The following SEMA3D variants were observed in gnomAD, a reference collection of about 807,000 sequenced individuals.
SEMA3D encodes semaphorin-3D.
Under a neutral mutation model 100.1 loss-of-function variants are expected in SEMA3D, and 84 were observed. That is an observed-to-expected ratio of 0.84 (90% CI 0.70 to 1.01). The LOEUF is 1.01. Ranked by LOEUF, SEMA3D falls within the 50% of genes least tolerant of loss-of-function variation. SEMA3D has a pLI of 0.00. For synonymous variants in SEMA3D, 312 were observed against 320.7 expected, an observed-to-expected ratio of 0.97 and a Z score of 0.29; for missense variants, 875 against 934.1, an observed-to-expected ratio of 0.94 and a Z score of 0.82.
Position 84,997,680 on chromosome 7 carries a change from A to G in SEMA3D, c.*1760T>C, listed in dbSNP as rs892510856. 6.6e-6 allele frequency: 1 copy of G among 152,556 alleles called. No individual in the cohort carries two copies. The highest frequency in any genetic ancestry group is 1.5e-5 in the Non-Finnish European group (1 of 67,976). The allele number at this position is 152,556 out of a possible 1,614,324, so 9.5% of individuals were successfully genotyped here. A position where few individuals can be genotyped will look rare whatever the true frequency, so the allele number is the denominator to read the frequency against. ...ACATAGAGCCACAGATCTTGCATTAAGTTGCCCTCTAATCACAGGGTTTTC... is the reference window on the plus strand; with the variant it reads ...ACATAGAGCCACAGATCTTGCATTAGGTTGCCCTCTAATCACAGGGTTTTC... On this transcript the variant is annotated 3_prime_UTR_variant, in exon 19 of 19. Transcript: ENST00000284136.
chr7:85,187,931 T>G (rs1397978710), upstream of SEMA3D, among the ~76,000 whole-genome samples: 1 of 152,184 alleles, frequency 6.6e-6, no homozygotes, highest in African/African-American at 2.4e-5. Context: ...TATCCAGGTT[T>G]ATAGTCACAC....
At position 85,140,886 on chromosome 7, in the gene SEMA3D, C is replaced by T. The variant is rs916450267; in HGVS notation, c.-41+12722G>A. 3 of 720,194 alleles carry T rather than the reference C, an allele frequency of 4.2e-6. No individual in the cohort carries two copies. In the African/African-American group the frequency reaches 5.8e-5, roughly 14 times the overall value. 44.6% of individuals were successfully genotyped at this position (720,194 alleles called of 1,614,324 possible). ...TAGGTATACAAAAAGAAAATCAAAA[C>T]ACCATCTTCCTATCAACACCTCAGT... On this transcript the variant is annotated intron_variant, in intron 2 of 18. Coordinates refer to ENST00000284136, the MANE Select transcript of SEMA3D (RefSeq NM_001384900.1).
intron 8 of SEMA3D, among the ~76,000 whole-genome samples, chr7:85,064,346 G>A (rs1055062046): frequency 6.6e-6 from 1 of 152,208 alleles, no homozygotes; most frequent in African/African-American, 2.4e-5. Flanking sequence ...TGCTTTGCAT[G>A]TGTGTTAAGA....
the SEMA3D span, among the ~76,000 whole-genome samples, chr7:85,220,564 G>C: frequency 6.6e-6 from 1 of 151,914 alleles, no homozygotes; most frequent in African/African-American, 2.4e-5. Context: ...CTTGCTTACT[G>C]TGTAATTTTG....
At chr7:85,225,798 G>T in the SEMA3D span, among the ~76,000 whole-genome samples, 1 of 152,064 alleles carries the variant, frequency 6.6e-6, no homozygotes, top group Non-Finnish European at 1.5e-5. Context: ...GGGTACTGAG[G>T]AGGCGAGCCA....
the SEMA3D span, among the ~76,000 whole-genome samples, chr7:85,216,422 T>C: frequency 6.6e-6 from 1 of 151,486 alleles, no homozygotes; most frequent in African/African-American, 2.4e-5. Flanking sequence ...TGTGGCAGAA[T>C]TGTTTTGGGC....
chr7:85,037,844 G>C (rs1790744314), intron 11 of SEMA3D, among the ~76,000 whole-genome samples: 1 of 151,932 alleles, frequency 6.6e-6, no homozygotes, highest in Admixed American at 6.6e-5. Flanking sequence ...TATTTTCTTT[G>C]AGTTGAAAAC....
intron 2 of SEMA3D, among the ~76,000 whole-genome samples, chr7:85,135,656 AAAATAAAT>A (rs201274421): frequency 5.6e-4 from 82 of 147,494 alleles, no homozygotes; most frequent in Non-Finnish European, 8.5e-4. Flanking sequence ...TAAGTATAAT[AAAATAAAT>A]AAATAAATAA....
In SEMA3D at chr7:85,138,847, T is replaced by C. The variant is rs553105291; in HGVS notation, c.-41+14761A>G. 1.8e-4 allele frequency among the ~76,000 whole-genome samples: 27 copies of C among 151,426 alleles called. No homozygotes were observed. The South Asian group carries it at 5.0e-3, about 28-fold the overall frequency. On this transcript the variant is annotated intron_variant, in intron 2 of 18. Coordinates refer to ENST00000284136, the MANE Select transcript of SEMA3D (RefSeq NM_001384900.1). ...TGCTGACAGGCCCCGATGTGTGATA[T>C]TCCCCCCTGTCCATATGTTCTCATT...
At chr7:85,046,623 A>G (rs1791015675) in intron 9 of SEMA3D, among the ~76,000 whole-genome samples, 1 of 151,964 alleles carries the variant, frequency 6.6e-6, no homozygotes, top group African/African-American at 2.4e-5. Context: ...AGTAACTCTT[A>G]CAGACATCCA....
intron 9 of SEMA3D, chr7:85,050,817 G>A (rs1791143306): frequency 4.3e-6 from 2 of 463,614 alleles, no homozygotes; most frequent in Non-Finnish European, 7.7e-6. Context: ...ATATCTCTTT[G>A]ATCACCTTTG....
intron 18 of SEMA3D, among the ~76,000 whole-genome samples, chr7:85,002,605 C>T (rs1474208373): frequency 6.6e-6 from 1 of 152,104 alleles, no homozygotes; most frequent in Non-Finnish European, 1.5e-5. Flanking sequence ...AAATTCAGCT[C>T]CTCAACAAAG....
intron 3 of SEMA3D, among the ~76,000 whole-genome samples, chr7:85,104,423 T>C (rs17159617): frequency 0.016 from 2,464 of 152,214 alleles, 63 homozygotes; most frequent in African/African-American, 0.055. Context: ...GATAGCCAGA[T>C]GCTCTGCTAT....
chr7:85,188,361 T>C (rs1036345469), upstream of SEMA3D, among the ~76,000 whole-genome samples: 1 of 152,158 alleles, frequency 6.6e-6, no homozygotes. Flanking sequence ...AATACCCTCT[T>C]TGGATAGAGA....
intron 3 of SEMA3D, among the ~76,000 whole-genome samples, chr7:85,119,503 C>T (rs2116396067): frequency 6.6e-6 from 1 of 152,124 alleles, no homozygotes; most frequent in Admixed American, 6.5e-5. Flanking sequence ...CCTTAACCTA[C>T]TAATGGAGGG....
intron 12 of SEMA3D, among the ~76,000 whole-genome samples, chr7:85,030,601 TCTC>T (rs1402789142): frequency 1.3e-5 from 2 of 152,042 alleles, no homozygotes; most frequent in Non-Finnish European, 2.9e-5. Context: ...ACAAGTATTT[TCTC>T]CTCACCTTTT....
the SEMA3D span, among the ~76,000 whole-genome samples, chr7:85,220,330 CTTT>C: frequency 2.2e-5 from 3 of 134,900 alleles, no homozygotes; most frequent in African/African-American, 2.7e-5. Flanking sequence ...TTTCAGGTTC[CTTT>C]TTTTTTTTTT....
chr7:85,118,459 G>T (rs1789308272), intron 3 of SEMA3D, among the ~76,000 whole-genome samples: 1 of 151,898 alleles, frequency 6.6e-6, no homozygotes, highest in Non-Finnish European at 1.5e-5. Context: ...GAATATGGTT[G>T]ATTTGGGTTT....
At chr7:85,110,060 T>A (rs747531094) in intron 3 of SEMA3D, among the ~76,000 whole-genome samples, 19 of 152,008 alleles carry the variant, frequency 1.2e-4, no homozygotes, top group Non-Finnish European at 1.9e-4. Context: ...GGCTGAGCTC[T>A]CTTTTACCCT....
Sources: allele counts gnomAD v4.1 joint callset (sites outside exome capture counted in the v4.1 genomes callset), GRCh38; gene constraint gnomAD v4.1.1; transcripts MANE v1.5; gene names NCBI Gene and HGNC (gene_info 2026-07-23, HGNC 2026-07-21).